Variants in SLTM observed in about 807,000 individuals in gnomAD.
The protein encoded by SLTM is SAFB-like transcription modulator.
In SLTM, 43 loss-of-function variants were observed where a neutral mutation model predicts 134.6. That is an observed-to-expected ratio of 0.32 (90% CI 0.25 to 0.41). The LOEUF is 0.41. SLTM is among the 10% of genes least tolerant of loss of function. The probability of loss-of-function intolerance (pLI) is 1.00; values close to 1 mark genes in which losing one functional copy is unlikely to be tolerated. For missense variants in SLTM, 1,055 were observed against 1,288.8 expected, an observed-to-expected ratio of 0.82 and a Z score of 2.78; for synonymous variants, 424 against 432.3, an observed-to-expected ratio of 0.98 and a Z score of 0.24.
At chr15:58,921,351 G>A (rs78188966) in intron 2 of SLTM, 3,337 of 159,300 alleles carry the variant, frequency 0.021, 122 homozygotes, top group African/African-American at 0.076. Context: ...TCTCTGAGGA[G>A]TTACAATGTG....
At chr15:58,916,107 G>T (rs1485650722) in intron 3 of SLTM, among the ~76,000 whole-genome samples, 1 of 151,588 alleles carries the variant, frequency 6.6e-6, no homozygotes, top group East Asian at 1.9e-4. Context: ...ACTCATTTTC[G>T]GCCCCAAAAG....
At chr15:58,933,325 A>G (rs1414566869) in intron 1 of SLTM, 79 bp downstream of exon 1, 5 of 1,442,468 alleles carry the variant, frequency 3.5e-6, no homozygotes, top group Admixed American at 2.4e-5. Flanking sequence ...GGGCAGCCGG[A>G]GGCTGCGGCG....
rs752863627 is a variant in SLTM at position 58,899,625 on chromosome 15, G to A, written c.902C>T (p.Ala301Val). 3.5e-5 allele frequency: 57 copies of A among 1,613,988 alleles called. No homozygotes were observed. Among genetic ancestry groups the A allele is most frequent in the Middle Eastern group, 3.3e-4 (2 of 6,084 alleles). The change falls in exon 7 of 21, where the codon GCG becomes GTG. Residue 301 changes from alanine (A) to valine (V), a missense_variant. Ala to Val is a moderately conservative substitution (Grantham distance 64). Around this residue, in one of 3 missense-constraint regions of SLTM, gnomAD observed 776 missense variants for 962.2 expected, o/e 0.81. Transcript: ENST00000380516. This position sits in a 1 kb window ranked among gnomAD's most constrained non-coding sequence, Gnocchi z 5.0. ...TTCCTTCTTACCATCTTTATGGTTC[G>A]CATTCATCTCATAATCCTTGCTTTC... ...EKESKDYEMN[A>V]NHKDGKKEDC... is the part of the protein sequence containing the mutation.
chr15:58,886,808 T>G (rs2034246412), intron 19 of SLTM, among the ~76,000 whole-genome samples, 167 bp downstream of exon 19: 1 of 152,222 alleles, frequency 6.6e-6, no homozygotes, highest in African/African-American at 2.4e-5. Flanking sequence ...CAGTAAAGTA[T>G]GAGAAAAATT....
intron 12 of SLTM, 122 bp downstream of exon 12, chr15:58,893,699 C>G (rs1330871817): frequency 9.4e-7 from 1 of 1,064,308 alleles, no homozygotes; most frequent in African/African-American, 1.6e-5. Context: ...ACCTCCTTTC[C>G]TACCACAATG....
intron 2 of SLTM, among the ~76,000 whole-genome samples, chr15:58,931,430 T>C (rs1272715696): frequency 6.6e-6 from 1 of 152,220 alleles, no homozygotes; most frequent in Non-Finnish European, 1.5e-5. Flanking sequence ...TTTATTTTAG[T>C]TGCAATCATT....
chr15:58,886,166 C>T (rs2034166219), intron 19 of SLTM, among the ~76,000 whole-genome samples: 1 of 148,016 alleles, frequency 6.8e-6, no homozygotes, highest in Admixed American at 6.7e-5. Context: ...GACAAAAGTT[C>T]TATTTCAATT....
At chr15:58,880,327 G>C (rs1008688349) in intron 20 of SLTM, among the ~76,000 whole-genome samples, 23 of 152,326 alleles carry the variant, frequency 1.5e-4, no homozygotes, top group African/African-American at 5.5e-4. Context: ...TGGTGAAGCA[G>C]AGATTTGAAC....
At position 58,894,515 on chromosome 15, in the gene SLTM, A is replaced by T; in HGVS notation, c.1295T>A (p.Met432Lys). The T allele has an allele frequency of 6.2e-7, 1 of 1,614,136 alleles. No individual in the cohort carries two copies. Among genetic ancestry groups the T allele is most frequent in the Non-Finnish European group, 8.5e-7 (1 of 1,180,002 alleles). Residue 432 changes from methionine (M) to lysine (K), a missense_variant, in exon 10 of 21, where the codon ATG becomes AAG. Physicochemically the swap from Met to Lys is moderately conservative, Grantham distance 95. Coordinates refer to ENST00000380516, the MANE Select transcript of SLTM (RefSeq NM_024755.4). Reference protein sequence around the residue: ...PGAKCYGIVTMSSSTEVSRCI... With the variant: ...PGAKCYGIVTKSSSTEVSRCI... ...CCTGGACACCTCTGTGCTTGAAGAC[A>T]TAGTTACAATGCCATAGCATTTTGC... is the stretch of plus-strand genomic sequence containing the variant.
chr15:58,929,014 AG>A (rs1310499683), intron 2 of SLTM, among the ~76,000 whole-genome samples: 2 of 152,228 alleles, frequency 1.3e-5, no homozygotes, highest in African/African-American at 2.4e-5. Context: ...AGAGCCTTAC[AG>A]GGGACCTAGT....
chr15:58,901,203 C>A lies in SLTM; in HGVS notation c.589+57G>T, dbSNP rs138590291. ...GATTTCAAATAAGGAGTGCTTTTTA[C>A]ATAATTTACTGTTTTTCTAAATTTT... On this transcript the variant is annotated intron_variant, in intron 6 of 20. Transcript: ENST00000380516. 2.2e-6 allele frequency: 3 copies of A among 1,335,346 alleles called. No homozygotes were observed. In the African/African-American group the frequency reaches 4.4e-5, roughly 20 times the overall value. 82.7% of individuals were successfully genotyped at this position (1,335,346 alleles called of 1,614,324 possible).
chr15:58,893,486 T>G, intron 12 of SLTM, 122 bp from the exon 13 acceptor site: 1 of 692,000 alleles, frequency 1.4e-6, no homozygotes, highest in South Asian at 2.1e-5. Context: ...AAACTACTTA[T>G]TCTACAAGAA....
intron 20 of SLTM, among the ~76,000 whole-genome samples, chr15:58,881,180 C>T (rs541515238): frequency 8.6e-5 from 13 of 151,122 alleles, no homozygotes; most frequent in African/African-American, 2.4e-4. Context: ...GGTGTCACAG[C>T]GAGACTCCAT....
intron 2 of SLTM, among the ~76,000 whole-genome samples, chr15:58,918,576 T>C (rs1951548009): frequency 6.6e-6 from 1 of 152,222 alleles, no homozygotes; most frequent in Non-Finnish European, 1.5e-5. Flanking sequence ...GCTGAAGGCT[T>C]GTGAGAACCA....
In SLTM at chr15:58,898,794, A is replaced by T. The variant is rs765654871; in HGVS notation, c.1108+9T>A. The T allele has an allele frequency of 6.3e-7, 1 of 1,597,160 alleles. No homozygotes were observed. Among genetic ancestry groups the T allele is most frequent in the Non-Finnish European group, 8.6e-7 (1 of 1,169,126 alleles). On this transcript the variant is annotated intron_variant, in intron 8 of 20. Transcript: ENST00000380516. ...AACACTGAAATAAATAGGGAAAAAA[A>T]TTCTTTACCTTTGTCATCTTTAGAT...
intron 2 of SLTM, among the ~76,000 whole-genome samples, chr15:58,919,848 T>C (rs573035213): frequency 6.6e-6 from 1 of 152,298 alleles, no homozygotes; most frequent in South Asian, 2.1e-4. Context: ...ATTATCACAA[T>C]TTTACAAAAG....
intron 2 of SLTM, among the ~76,000 whole-genome samples, chr15:58,925,236 G>C (rs1293363134): frequency 1.3e-5 from 2 of 152,104 alleles, no homozygotes; most frequent in Non-Finnish European, 2.9e-5. Flanking sequence ...AAGTGTTTTA[G>C]CTTCTCTTCT....
Position 58,899,778 on chromosome 15 carries a change from T to G in SLTM, c.749A>C (p.Glu250Ala). ...DDNISVTIQAEDAITLDFDGD... is the reference protein window; with the variant it reads ...DDNISVTIQAADAITLDFDGD... ...ATCAAAATCCAGAGTGATGGCATCT[T>G]CAGCCTGGATTGTGACCGAGATGTT... The change falls in exon 7 of 21, where the codon GAA (glutamate) becomes GCA (alanine). Residue 250 changes from glutamate (E) to alanine (A), a missense_variant. Transcript: ENST00000380516. The surrounding 1 kb of genome is among the most constrained non-coding windows in gnomAD (Gnocchi z 5.0). 6.2e-7 allele frequency: 1 copy of G among 1,614,188 alleles called. No individual in the cohort carries two copies. The highest frequency in any genetic ancestry group is 1.3e-5 in the African/African-American group (1 of 75,058).
In SLTM at chr15:58,894,097, T is replaced by C. The variant is rs1429151217; in HGVS notation, c.1474A>G (p.Ser492Gly). ...ATAAAAATAAATCCTTACTTGCTAC[T>C]TCTATCACTCGTATTTTTTTTATCT... is the stretch of plus-strand genomic sequence containing the variant. The part of the protein sequence containing the change: ...SGDKKNTSDR[S>G]SKTQASVKKE... The change falls in exon 11 of 21, where the codon AGT (serine) becomes GGT (glycine). Residue 492 changes from serine (S) to glycine (G), a missense_variant. By Grantham distance (56) the Ser-to-Gly change is moderately conservative (BLOSUM62 0). Coordinates refer to ENST00000380516, the MANE Select transcript of SLTM (RefSeq NM_024755.4). 6.2e-7 allele frequency: 1 copy of C among 1,601,800 alleles called. No individual in the cohort carries two copies. Among genetic ancestry groups the C allele is most frequent in the South Asian group, 1.1e-5 (1 of 88,774 alleles).
Sources: gnomAD v4.1 joint callset for allele counts (sites outside exome capture counted in the v4.1 genomes callset) on GRCh38, gnomAD v4.1.1 for gene constraint, gnomAD v4.1.1 regional missense constraint, Gnocchi (gnomAD v3.1) non-coding constraint, MANE v1.5 for transcripts, NCBI Gene and HGNC (gene_info 2026-07-23, HGNC 2026-07-21) for gene names.